SGCZ: variants seen among roughly 807,000 people sequenced by gnomAD.
The protein encoded by SGCZ is sarcoglycan zeta.
A neutral mutation model predicts 41.3 loss-of-function variants in SGCZ; 40 were observed. The ratio of observed to expected loss-of-function variants is 0.97; its 90% CI spans 0.75 to 1.26. SGCZ has a LOEUF of 1.26. Ranked by LOEUF, SGCZ falls within the 50% of genes most tolerant of loss-of-function variation. SGCZ has a pLI of 0.00. For synonymous variants in SGCZ, 206 were observed against 137.5 expected (o/e 1.50, Z -3.49); for missense variants, 552 against 369.8 (o/e 1.49, Z -4.04).
At chr8:14,597,175 C>G (rs886473489) in intron 1 of SGCZ, among the ~76,000 whole-genome samples, 1 of 152,128 alleles carries the variant, frequency 6.6e-6, no homozygotes, top group Admixed American at 6.5e-5. Context: ...GCTGCAATTG[C>G]CTTCTCCTAA....
intron 2 of SGCZ, among the ~76,000 whole-genome samples, chr8:14,423,049 C>T (rs1074927): frequency 0.36 from 54,068 of 151,764 alleles, 10,800 homozygotes; most frequent in African/African-American, 0.55. Flanking sequence ...AAAACAAAAA[C>T]CACTAACTTT....
intron 1 of SGCZ, among the ~76,000 whole-genome samples, chr8:15,135,282 C>G (rs538654130): frequency 3.3e-5 from 5 of 152,198 alleles, no homozygotes; most frequent in African/African-American, 1.2e-4. Flanking sequence ...TTGCTGAAAA[C>G]TTTTGGGTAA....
intron 1 of SGCZ, among the ~76,000 whole-genome samples, chr8:15,111,390 T>A (rs912250346): frequency 2.6e-5 from 4 of 152,176 alleles, no homozygotes; most frequent in Non-Finnish European, 5.9e-5. Flanking sequence ...GACCATCCCT[T>A]CATTTGCATA....
At chr8:14,784,913 A>AAAAAAAAATATAT (rs1408574493) in intron 1 of SGCZ, among the ~76,000 whole-genome samples, 9 of 88,020 alleles carry the variant, frequency 1.0e-4, no homozygotes, top group African/African-American at 4.2e-4. Flanking sequence ...AAAAAAAAAA[A>AAAAAAAAATATAT]ATATATATAT....
intron 1 of SGCZ, among the ~76,000 whole-genome samples, chr8:14,929,546 C>A (rs186055070): frequency 6.6e-6 from 1 of 151,390 alleles, no homozygotes; most frequent in African/African-American, 2.5e-5. Flanking sequence ...CTGTGGGCCT[C>A]AGGGGAGTCA....
chr8:14,367,175 G>C (rs1212819711), intron 2 of SGCZ, among the ~76,000 whole-genome samples: 3 of 152,094 alleles, frequency 2.0e-5, no homozygotes, highest in Non-Finnish European at 4.4e-5. Flanking sequence ...AATGCTGCTA[G>C]TCTCTTTGCT....
At chr8:15,228,365 A>G (rs1246750229) in intron 1 of SGCZ, among the ~76,000 whole-genome samples, 1 of 152,194 alleles carries the variant, frequency 6.6e-6, no homozygotes, top group Non-Finnish European at 1.5e-5. Context: ...TATCATTAAG[A>G]CACGACACTG....
At chr8:14,419,444 C>T (rs920475825) in intron 2 of SGCZ, among the ~76,000 whole-genome samples, 1 of 151,712 alleles carries the variant, frequency 6.6e-6, no homozygotes, top group African/African-American at 2.4e-5. Context: ...TTTTTTGTCT[C>T]ATTATACTTT....
intron 3 of SGCZ, among the ~76,000 whole-genome samples, chr8:14,265,774 G>C (rs764882346): frequency 6.6e-6 from 1 of 150,982 alleles, no homozygotes; most frequent in Non-Finnish European, 1.5e-5. Context: ...TTAACAGAGA[G>C]AATGAAATAA....
At chr8:14,700,003 G>T (rs1412775945) in intron 1 of SGCZ, among the ~76,000 whole-genome samples, 2 of 151,940 alleles carry the variant, frequency 1.3e-5, no homozygotes, top group Non-Finnish European at 2.9e-5. Flanking sequence ...TAACATTGTT[G>T]GCAGAAATGT....
rs1401984859 is a variant in SGCZ at position 14,102,478 on chromosome 8, G to A, written c.642C>T (p.Ser214=). Residue 214 remains serine, a synonymous_variant, in exon 7 of 8, where the codon TCC becomes TCT. Transcript: ENST00000382080. ...CCCCACGGGGAGCTTCCATGATCAAGGATCTGGTGGGTGATTCAAGCCTAA... is the reference window on the plus strand; with the variant it reads ...CCCCACGGGGAGCTTCCATGATCAAAGATCTGGTGGGTGATTCAAGCCTAA... ...QDLRLESPTR[S]LIMEAPRGVQ... The A allele has an allele frequency of 3.4e-6, 5 of 1,470,434 alleles. No individual in the cohort carries two copies. The highest frequency in any genetic ancestry group is 1.4e-5 in the African/African-American group (1 of 70,768). 91.1% of individuals were successfully genotyped at this position (1,470,434 alleles called of 1,614,324 possible). A position where few individuals can be genotyped will look rare whatever the true frequency, so the allele number is the denominator to read the frequency against.
At chr8:14,530,289 G>A (rs1335262566) in intron 2 of SGCZ, among the ~76,000 whole-genome samples, 1 of 151,864 alleles carries the variant, frequency 6.6e-6, no homozygotes, top group Non-Finnish European at 1.5e-5. Context: ...CAAAATATAA[G>A]TGATCTTATA....
intron 1 of SGCZ, among the ~76,000 whole-genome samples, chr8:14,794,699 G>A (rs964932653): frequency 1.3e-5 from 2 of 152,136 alleles, no homozygotes; most frequent in Non-Finnish European, 2.9e-5. Flanking sequence ...AAGTTCCAAC[G>A]CAAAGGATGA....
At chr8:14,110,839 G>C (rs1369396144) in intron 5 of SGCZ, among the ~76,000 whole-genome samples, 1 of 152,064 alleles carries the variant, frequency 6.6e-6, no homozygotes, top group Admixed American at 6.6e-5. Flanking sequence ...GATCACTTGA[G>C]GGCAGGAGTT....
intron 2 of SGCZ, among the ~76,000 whole-genome samples, chr8:14,455,128 T>C (rs755914843): frequency 2.0e-5 from 3 of 152,028 alleles, no homozygotes; most frequent in Non-Finnish European, 4.4e-5. Flanking sequence ...TATACCATGG[T>C]TGAAGGGCTA....
chr8:14,882,779 G>T (rs1237924429), intron 1 of SGCZ, among the ~76,000 whole-genome samples: 1 of 151,940 alleles, frequency 6.6e-6, no homozygotes, highest in Non-Finnish European at 1.5e-5. Flanking sequence ...GGTCCACTCT[G>T]TCTTAGCTTT....
chr8:14,892,036 T>C (rs2130743791), intron 1 of SGCZ, among the ~76,000 whole-genome samples: 1 of 152,362 alleles, frequency 6.6e-6, no homozygotes, highest in Middle Eastern at 3.4e-3. Flanking sequence ...GGTGACTTGC[T>C]TTAATGCAGT....
intron 1 of SGCZ, among the ~76,000 whole-genome samples, chr8:15,182,644 GGTGAGTCTCA>G (rs1196677588): frequency 6.6e-6 from 1 of 152,010 alleles, no homozygotes; most frequent in Non-Finnish European, 1.5e-5. Context: ...AGTTGCCCTG[GGTGAGTCTCA>G]GTGAGTGGTG....
intron 1 of SGCZ, among the ~76,000 whole-genome samples, chr8:14,597,621 G>A (rs568381478): frequency 3.9e-5 from 6 of 152,098 alleles, no homozygotes; most frequent in Non-Finnish European, 5.9e-5. Flanking sequence ...GGGATTACAG[G>A]CATGTGCCAC....
Sources: allele counts gnomAD v4.1 joint callset (sites outside exome capture counted in the v4.1 genomes callset), GRCh38; gene constraint gnomAD v4.1.1; transcripts MANE v1.5; gene names NCBI Gene and HGNC (gene_info 2026-07-23, HGNC 2026-07-21).